The following USH2A variants were observed in gnomAD, a reference collection of about 807,000 sequenced individuals.
USH2A encodes the protein usherin.
A neutral mutation model predicts 538.9 loss-of-function variants in USH2A; 443 were observed. The observed-to-expected ratio is 0.82, with a 90% CI of 0.76 to 0.89. The LOEUF (loss-of-function observed/expected upper bound fraction) is 0.89, where lower values mean the gene tolerates loss of function less well. Among genes scored for constraint, USH2A ranks in the 40% least tolerant of loss-of-function variants. The probability of loss-of-function intolerance (pLI) is 0.00; values close to 1 mark genes in which losing one functional copy is unlikely to be tolerated. For synonymous variants in USH2A, 2,413 were observed against 2,273.5 expected (o/e 1.06, Z -1.75); for missense variants, 6,633 against 6,324.8 (o/e 1.05, Z -1.65).
intron 46 of USH2A, among the ~76,000 whole-genome samples, chr1:215,840,111 C>T (rs374278184): frequency 2.1e-4 from 27 of 131,100 alleles, no homozygotes; most frequent in Admixed American, 5.7e-4. Flanking sequence ...TGCAGTGAGC[C>T]GAGATCGTGC....
chr1:215,685,223 T>C (rs900020477), intron 61 of USH2A, among the ~76,000 whole-genome samples: 12 of 152,154 alleles, frequency 7.9e-5, no homozygotes, highest in Non-Finnish European at 1.5e-4. Flanking sequence ...ATTTGAGGCG[T>C]GGATTCTGCA....
Position 215,900,847 on chromosome 1 carries a change from A to T in USH2A, c.7359T>A (p.Val2453=). 6.2e-7 allele frequency: 1 copy of T among 1,613,812 alleles called. No homozygotes were observed. The highest frequency in any genetic ancestry group is 8.5e-7 in the Non-Finnish European group (1 of 1,179,778). Residue 2453 remains valine, a synonymous_variant, in exon 39 of 72, where the codon GTT becomes GTA. Coordinates refer to ENST00000307340, the MANE Select transcript of USH2A (RefSeq NM_206933.4). ...TATTACGAGCTGGTGTAGACCAGAC[A>T]ACCTGAAGACTGGTTGGAGTGGCAG... ...LSSATPTSLQ[V]VWSTPARNNA...
intron 37 of USH2A, among the ~76,000 whole-genome samples, chr1:215,951,853 AT>A (rs1553280037): frequency 4.0e-5 from 6 of 149,548 alleles, no homozygotes; most frequent in African/African-American, 1.5e-4. Flanking sequence ...TATTTTTTTT[AT>A]TTTTTATTTT....
chr1:216,283,995 TA>T (rs1338108010), intron 11 of USH2A, among the ~76,000 whole-genome samples: 1 of 152,140 alleles, frequency 6.6e-6, no homozygotes, highest in Non-Finnish European at 1.5e-5. Flanking sequence ...TTTGGGATTT[TA>T]AGGTTATTCT....
intron 11 of USH2A, among the ~76,000 whole-genome samples, chr1:216,252,667 A>G (rs966743229): frequency 6.6e-6 from 1 of 152,234 alleles, no homozygotes; most frequent in Non-Finnish European, 1.5e-5. Flanking sequence ...GTTGTAGCTA[A>G]TAATGAACCT....
intron 4 of USH2A, 42 bp downstream of exon 4, chr1:216,364,911 T>C: frequency 6.2e-7 from 1 of 1,611,074 alleles, no homozygotes. Flanking sequence ...AAGAACAATG[T>C]AATTGGATGA....
intron 3 of USH2A, among the ~76,000 whole-genome samples, chr1:216,384,798 G>A (rs549271901): frequency 6.6e-6 from 1 of 152,234 alleles, no homozygotes; most frequent in South Asian, 2.1e-4. Flanking sequence ...AAAGAAAATG[G>A]TTAAAAGACT....
In USH2A at chr1:216,149,396, A is replaced by G. The variant is rs1433709713; in HGVS notation, c.4627+25856T>C. On this transcript the variant is annotated intron_variant, in intron 21 of 71. Coordinates refer to ENST00000307340, the MANE Select transcript of USH2A (RefSeq NM_206933.4). ...CAAAGCAGTTTCTCAGGCTCTTGGTATTCAGTGGAACCTTCATACCCCTTA... is the reference window on the plus strand; with the variant it reads ...CAAAGCAGTTTCTCAGGCTCTTGGTGTTCAGTGGAACCTTCATACCCCTTA... Among the ~76,000 whole-genome samples the G allele has an allele frequency of 5.3e-5, 8 of 152,160 alleles. No individual in the cohort carries two copies. The East Asian group carries it at 1.5e-3, about 29-fold the overall frequency.
chr1:215,884,922 C>T (rs914579151), intron 41 of USH2A, among the ~76,000 whole-genome samples: 19 of 152,150 alleles, frequency 1.2e-4, no homozygotes, highest in Non-Finnish European at 2.8e-4. Context: ...GAGCTGACAG[C>T]TGCAGGATTA....
At chr1:215,747,429 C>G (rs903062425) in intron 58 of USH2A, among the ~76,000 whole-genome samples, 1 of 152,140 alleles carries the variant, frequency 6.6e-6, no homozygotes, top group South Asian at 2.1e-4. Context: ...CACCACTCCA[C>G]GACAAAACTG....
Position 216,247,185 on chromosome 1 carries a change from G to A in USH2A, c.2209C>T (p.Arg737Ter), listed in dbSNP as rs111033334. The part of the protein sequence containing the change: ...DHCNFGFKFL[R>*]SFNDVGCEPC... ...TCACATCCAACATCATTAAAGCTTC[G>A]GAGAAATTTAAATCCAAAATTGCAA... Residue 737 changes from arginine (R) to a stop codon, truncating the protein, a stop_gained, in exon 13 of 72, where the codon CGA becomes TGA. Coordinates refer to ENST00000307340, the MANE Select transcript of USH2A (RefSeq NM_206933.4). LOFTEE classifies it high-confidence loss of function. 4.3e-6 allele frequency: 7 copies of A among 1,613,848 alleles called. No individual in the cohort carries two copies. Among genetic ancestry groups the A allele is most frequent in the South Asian group, 2.2e-5 (2 of 91,074 alleles).
intron 21 of USH2A, among the ~76,000 whole-genome samples, chr1:216,122,793 T>A (rs1367323257): frequency 6.6e-6 from 1 of 152,132 alleles, no homozygotes; most frequent in African/African-American, 2.4e-5. Context: ...ATTAAATGAC[T>A]CCAGCCCTGG....
intron 21 of USH2A, among the ~76,000 whole-genome samples, chr1:216,098,853 T>A (rs2032510564): frequency 6.6e-6 from 1 of 152,126 alleles, no homozygotes; most frequent in Non-Finnish European, 1.5e-5. Context: ...CTTCAGCTTG[T>A]TTTTAGAGAA....
intron 64 of USH2A, among the ~76,000 whole-genome samples, chr1:215,656,332 A>G (rs1281372337): frequency 2.0e-5 from 3 of 152,200 alleles, no homozygotes; most frequent in Admixed American, 1.3e-4. Context: ...AAACCCCTAA[A>G]TTGTGAAAAT....
chr1:215,717,623 G>C (rs536201908), intron 61 of USH2A, among the ~76,000 whole-genome samples: 2 of 152,130 alleles, frequency 1.3e-5, no homozygotes, highest in Non-Finnish European at 2.9e-5. Context: ...ATCTGTTATA[G>C]CTTCTGGACC....
At chr1:216,074,198 C>T (rs542471626) in intron 27 of USH2A, among the ~76,000 whole-genome samples, 21 of 152,310 alleles carry the variant, frequency 1.4e-4, no homozygotes, top group African/African-American at 4.8e-4. Context: ...ATAGCAGTGG[C>T]TTTGAATTAC....
At chr1:216,287,521 T>C (rs1188491030) in intron 11 of USH2A, among the ~76,000 whole-genome samples, 1 of 152,114 alleles carries the variant, frequency 6.6e-6, no homozygotes, top group Non-Finnish European at 1.5e-5. Flanking sequence ...TTGAAATTGA[T>C]TATGGTGGCC....
chr1:215,835,239 C>A (rs983593318), intron 47 of USH2A, among the ~76,000 whole-genome samples: 1 of 149,314 alleles, frequency 6.7e-6, no homozygotes. Flanking sequence ...TGGCATACTT[C>A]CCTACTGGGT....
chr1:216,413,629 T>C (rs2039528840), intron 3 of USH2A, among the ~76,000 whole-genome samples: 1 of 152,086 alleles, frequency 6.6e-6, no homozygotes. Flanking sequence ...TATTTACCCA[T>C]GCATTTTTTT....
Sources: gnomAD v4.1 joint callset for allele counts (sites outside exome capture counted in the v4.1 genomes callset) on GRCh38, gnomAD v4.1.1 for gene constraint, MANE v1.5 for transcripts, NCBI Gene and HGNC (gene_info 2026-07-23, HGNC 2026-07-21) for gene names.